The following SCAPER variants were observed in gnomAD, a reference collection of about 807,000 sequenced individuals.
The protein encoded by SCAPER is S-phase cyclin A associated protein in the ER, also known as S phase cyclin A-associated protein in the endoplasmic reticulum.
A neutral mutation model predicts 182.2 loss-of-function variants in SCAPER; 98 were observed. That is an observed-to-expected ratio of 0.54 (90% CI 0.46 to 0.64). SCAPER has a LOEUF of 0.64. Ranked by LOEUF, SCAPER falls within the 30% of genes least tolerant of loss-of-function variation. SCAPER has a pLI of 0.00. For missense variants in SCAPER, 1,432 were observed against 1,690.0 expected, an observed-to-expected ratio of 0.85 and a Z score of 2.68; for synonymous variants, 605 against 564.6, an observed-to-expected ratio of 1.07 and a Z score of -1.01.
At position 76,795,316 on chromosome 15, in the gene SCAPER, G is replaced by A. The variant is rs1182130071; in HGVS notation, c.736C>T (p.Pro246Ser). ...GAGGCCTTCTGCACTGTCATTGGTG[G>A]GCAAGACTGGGCGGGTGTTATTTCT... ...SSEITPAQSC[P>S]PMTVQKASRK... The change falls in exon 8 of 32, where the codon CCA (proline) becomes TCA (serine). Residue 246 changes from proline to serine, a missense_variant. Transcript: ENST00000563290. 2 of 1,612,916 alleles carry A rather than the reference G, an allele frequency of 1.2e-6. No homozygotes were observed. The highest frequency in any genetic ancestry group is 2.7e-5 in the African/African-American group (2 of 74,872).
chr15:76,454,821 T>C (rs1416991820), intron 25 of SCAPER, among the ~76,000 whole-genome samples: 1 of 152,146 alleles, frequency 6.6e-6, no homozygotes, highest in Non-Finnish European at 1.5e-5. Context: ...TTGCTGGAAG[T>C]TGGCCATAGC....
chr15:76,505,662 T>C (rs1274453943), intron 23 of SCAPER, among the ~76,000 whole-genome samples: 1 of 152,082 alleles, frequency 6.6e-6, no homozygotes, highest in East Asian at 1.9e-4. Context: ...ATTAGTACAA[T>C]CACTATGGAG....
chr15:76,902,148 T>C (rs958013136), intron 1 of SCAPER, among the ~76,000 whole-genome samples: 1 of 152,194 alleles, frequency 6.6e-6, no homozygotes, highest in Non-Finnish European at 1.5e-5. Context: ...AAATGCACCA[T>C]GGAATACTAT....
At chr15:76,394,350 A>T (rs2142045334) in intron 27 of SCAPER, among the ~76,000 whole-genome samples, 1 of 152,314 alleles carries the variant, frequency 6.6e-6, no homozygotes, top group Middle Eastern at 3.4e-3. Context: ...TACTGAAAAG[A>T]TTCAAACCTG....
intron 21 of SCAPER, among the ~76,000 whole-genome samples, chr15:76,630,519 A>G (rs1328150507): frequency 6.6e-6 from 1 of 152,172 alleles, no homozygotes; most frequent in Non-Finnish European, 1.5e-5. Context: ...CATTGGTTTC[A>G]AATAATTTCT....
intron 23 of SCAPER, among the ~76,000 whole-genome samples, chr15:76,547,318 G>C (rs895654118): frequency 6.6e-6 from 1 of 152,066 alleles, no homozygotes; most frequent in Non-Finnish European, 1.5e-5. Context: ...TATTAGCCAC[G>C]TGGATTTCTT....
intron 23 of SCAPER, among the ~76,000 whole-genome samples, chr15:76,550,059 C>T (rs1309719414): frequency 6.6e-6 from 1 of 152,058 alleles, no homozygotes; most frequent in Non-Finnish European, 1.5e-5. Flanking sequence ...GCGCTTTTGA[C>T]ATGGGGTTAA....
intron 2 of SCAPER, among the ~76,000 whole-genome samples, chr15:76,883,137 A>T (rs2073664094): frequency 3.3e-5 from 5 of 152,224 alleles, no homozygotes; most frequent in Non-Finnish European, 7.3e-5. Flanking sequence ...GCCAGACAAT[A>T]AGAGAGAAGG....
At chr15:76,584,873 C>T (rs1009632108) in intron 22 of SCAPER, among the ~76,000 whole-genome samples, 2 of 152,042 alleles carry the variant, frequency 1.3e-5, no homozygotes, top group African/African-American at 4.8e-5. Context: ...TAAGAAAGTT[C>T]TATTCACAAA....
chr15:76,701,051 C>T (rs1054913471), intron 20 of SCAPER, among the ~76,000 whole-genome samples: 3 of 149,754 alleles, frequency 2.0e-5, no homozygotes, highest in African/African-American at 7.4e-5. Flanking sequence ...AATTCATCAG[C>T]TATATACTTG....
At chr15:76,408,399 A>C (rs1197144383) in intron 26 of SCAPER, among the ~76,000 whole-genome samples, 1 of 152,094 alleles carries the variant, frequency 6.6e-6, no homozygotes, top group Admixed American at 6.6e-5. Context: ...ATATTCTACC[A>C]GTGGAATGTT....
chr15:76,646,772 T>G (rs2054583083), intron 21 of SCAPER, among the ~76,000 whole-genome samples: 1 of 152,188 alleles, frequency 6.6e-6, no homozygotes, highest in South Asian at 2.1e-4. Context: ...GTTATATAGG[T>G]CCCTACTAAT....
chr15:76,585,983 T>C (rs1252752861), intron 22 of SCAPER, among the ~76,000 whole-genome samples: 1 of 152,188 alleles, frequency 6.6e-6, no homozygotes, highest in African/African-American at 2.4e-5. Context: ...AGTGAAGGCA[T>C]TGTATCTCCC....
intron 23 of SCAPER, among the ~76,000 whole-genome samples, chr15:76,521,636 T>C (rs964855734): frequency 6.6e-5 from 10 of 152,182 alleles, no homozygotes; most frequent in African/African-American, 2.4e-4. Flanking sequence ...ACAAAGCTGT[T>C]AACAATATTA....
Position 76,472,431 on chromosome 15 carries a change from C to T in SCAPER, c.2955-1096G>A, listed in dbSNP as rs2050260209. The stretch of plus-strand genomic sequence containing the variant: ...TGTATAGTTTGAAATACTATTTTTA[C>T]GAAGTTTTATAAAAATGCAAAATTT... On this transcript the variant is annotated intron_variant, in intron 24 of 31. Transcript: ENST00000563290. 3.1e-5 allele frequency: 18 copies of T among 583,712 alleles called. 1 individual carries two copies. Among genetic ancestry groups the T allele is most frequent in the South Asian group, 1.5e-4 (9 of 60,820 alleles). The allele number at this position is 583,712 out of a possible 1,614,324, so 36.2% of individuals were successfully genotyped here. A position where few individuals can be genotyped will look rare whatever the true frequency, so the allele number is the denominator to read the frequency against.
chr15:76,744,684 G>A (rs1212191791), intron 15 of SCAPER, among the ~76,000 whole-genome samples: 1 of 152,166 alleles, frequency 6.6e-6, no homozygotes, highest in Non-Finnish European at 1.5e-5. Flanking sequence ...ACTGTTGGTG[G>A]GAATGTAAAT....
chr15:76,625,425 G>A (rs950735488), intron 21 of SCAPER, among the ~76,000 whole-genome samples: 2 of 152,296 alleles, frequency 1.3e-5, no homozygotes, highest in Admixed American at 6.5e-5. Context: ...ATTCTTGGAC[G>A]TATGAAGATG....
At chr15:76,857,664 A>G in intron 4 of SCAPER, 145 bp downstream of exon 4, 1 of 577,902 alleles carries the variant, frequency 1.7e-6, no homozygotes, top group Non-Finnish European at 3.0e-6. Context: ...TGATTACCAT[A>G]TACACATTTG....
rs1418892003 is a variant in SCAPER at position 76,593,142 on chromosome 15, G to T, written c.2712-18858C>A. Reference sequence around the variant, plus strand: ...AAGCTTGAGCTTGGTGTGGGGAGGGGTGCCTGCCATTACTGAGGCTTGCGT... The same window carrying T: ...AAGCTTGAGCTTGGTGTGGGGAGGGTTGCCTGCCATTACTGAGGCTTGCGT... On this transcript the variant is annotated intron_variant, in intron 22 of 31. Transcript: ENST00000563290. Among the ~76,000 whole-genome samples, 2 of 121,412 alleles carry T rather than the reference G, an allele frequency of 1.6e-5. 1 individual carries two copies. Among genetic ancestry groups the T allele is most frequent in the African/African-American group, 5.0e-5 (2 of 39,724 alleles). The allele number at this position is 121,412 out of a possible 152,430, so 79.7% of individuals were successfully genotyped here. A position where few individuals can be genotyped will look rare whatever the true frequency, so the allele number is the denominator to read the frequency against.
Sources: gnomAD v4.1 joint callset for allele counts (sites outside exome capture counted in the v4.1 genomes callset) on GRCh38, gnomAD v4.1.1 for gene constraint, MANE v1.5 for transcripts, NCBI Gene and HGNC (gene_info 2026-07-23, HGNC 2026-07-21) for gene names.